ARHGEF6: variants seen among roughly 807,000 people sequenced by gnomAD.
ARHGEF6 encodes the protein rho guanine nucleotide exchange factor 6.
Under a neutral mutation model 70.3 loss-of-function variants are expected in ARHGEF6, and 9 were observed. The observed-to-expected ratio is 0.13, with a 90% CI of 0.08 to 0.22. The LOEUF is 0.22. Ranked by LOEUF, ARHGEF6 falls within the 10% of genes least tolerant of loss-of-function variation. ARHGEF6 has a pLI of 1.00. For synonymous variants in ARHGEF6, 201 were observed against 207.8 expected (o/e 0.97, Z 0.28); for missense variants, 470 against 563.0 (o/e 0.83, Z 1.67).
intron 9 of ARHGEF6, among the ~76,000 whole-genome samples, chrX:136,704,153 C>T (rs1259384332): frequency 8.9e-6 from 1 of 111,823 alleles, no homozygotes; most frequent in Non-Finnish European, 1.9e-5. Context: ...ATTAAAATAG[C>T]CAATAAGCAA....
intron 2 of ARHGEF6, among the ~76,000 whole-genome samples, chrX:136,773,365 A>G: frequency 8.9e-6 from 1 of 111,917 alleles, no homozygotes; most frequent in Non-Finnish European, 1.9e-5. Flanking sequence ...GAGAGACTCT[A>G]TCCAGGGACA....
At chrX:136,731,792 G>C (rs1403936083) in intron 6 of ARHGEF6, among the ~76,000 whole-genome samples, 5 of 111,766 alleles carry the variant, frequency 4.5e-5, no homozygotes, top group Non-Finnish European at 7.5e-5. Flanking sequence ...ATCTGGTAAG[G>C]GTATGTCTAA....
chrX:136,675,039 G>C lies in ARHGEF6; in HGVS notation c.2003C>G (p.Thr668Ser), dbSNP rs751326434. The C allele has an allele frequency of 8.3e-7, 1 of 1,211,564 alleles. No individual in the cohort carries two copies. The highest frequency in any genetic ancestry group is 2.2e-5 in the Admixed American group (1 of 46,081). ...QILKVIEAYCTSANFQQGHGS... is the reference protein window; with the variant it reads ...QILKVIEAYCSSANFQQGHGS... ...ATGGCCTTGTTGAAAATTTGCGCTG[G>C]TGCAGTAGGCTTCGATCACTTTAAG... Residue 668 changes from threonine (T) to serine (S), a missense_variant, in exon 19 of 22, where the codon ACC becomes AGC. Transcript: ENST00000250617.
In ARHGEF6 at chrX:136,676,681, G is replaced by T. The variant is rs2076284675; in HGVS notation, c.1888C>A (p.Leu630Ile). Residue 630 changes from leucine (L) to isoleucine (I), a missense_variant, in exon 18 of 22, where the codon CTT becomes ATT. Leu to Ile is a conservative substitution (Grantham distance 5). Around this residue, in one of 3 missense-constraint regions of ARHGEF6, gnomAD observed 3 missense variants for 18.1 expected, o/e 0.17. Transcript: ENST00000250617. ...TTTCTCTCAGTCTTCCTTTTATGAA[G>T]AAATTTCTTCATCGTTTTAGGGCTT... ...SKSPKTMKKF[L>I]HKRKTERKPS... is the part of the protein sequence containing the mutation. 2 of 1,206,341 alleles carry T rather than the reference G, an allele frequency of 1.7e-6. No individual in the cohort carries two copies. The highest frequency in any genetic ancestry group is 2.2e-5 in the Admixed American group (1 of 45,781).
Position 136,727,949 on chromosome X carries a change from T to C in ARHGEF6, c.732+4153A>G, listed in dbSNP as rs183050501. ...TTACATCATTCTCTACCATGTGGCT[T>C]ACACTATCATGTTTGACCTGCCCTC... On this transcript the variant is annotated intron_variant, in intron 6 of 21. Transcript: ENST00000250617. 1.5e-4 allele frequency among the ~76,000 whole-genome samples: 17 copies of C among 111,248 alleles called. No individual in the cohort carries two copies. The East Asian group carries it at 4.8e-3, about 31-fold the overall frequency.
At chrX:136,776,736 C>T (rs775589408) in intron 2 of ARHGEF6, among the ~76,000 whole-genome samples, 3 of 111,378 alleles carry the variant, frequency 2.7e-5, no homozygotes, top group East Asian at 5.6e-4. Context: ...TAAAAAATTT[C>T]TGCACAGCAA....
chrX:136,754,803 C>G (rs987714006), intron 2 of ARHGEF6, among the ~76,000 whole-genome samples: 16 of 111,166 alleles, frequency 1.4e-4, no homozygotes, highest in Non-Finnish European at 2.6e-4. Flanking sequence ...GGGCTCCCAC[C>G]CCTCCTCCTG....
chrX:136,711,961 A>G (rs7061034), intron 7 of ARHGEF6, among the ~76,000 whole-genome samples: 112 of 112,979 alleles, frequency 9.9e-4, no homozygotes, highest in African/African-American at 3.4e-3. Flanking sequence ...AGATTTCCAT[A>G]GTGCCAGGAG....
chrX:136,670,435 T>C (rs1041327913), intron 20 of ARHGEF6, among the ~76,000 whole-genome samples: 7 of 111,641 alleles, frequency 6.3e-5, no homozygotes, highest in African/African-American at 2.3e-4. Context: ...GATCTGGGGT[T>C]GGTTGAATCC....
chrX:136,727,389 CTT>C (rs531251568), intron 6 of ARHGEF6, among the ~76,000 whole-genome samples: 95 of 72,916 alleles, frequency 1.3e-3, no homozygotes, highest in African/African-American at 3.5e-3. Context: ...TTCTTTCTTT[CTT>C]TCTTTCTCTC....
chrX:136,684,327 ATAGT>A (rs1320734308), intron 12 of ARHGEF6, among the ~76,000 whole-genome samples: 5 of 112,498 alleles, frequency 4.4e-5, no homozygotes, highest in African/African-American at 1.3e-4. Flanking sequence ...TGAATGACTA[ATAGT>A]TAGACTCACT....
rs962097425 is a variant in ARHGEF6 at position 136,667,675 on chromosome X, T to C, written c.*354A>G. 4.0e-6 allele frequency: 1 copy of C among 251,729 alleles called. No homozygotes were observed. The highest frequency in any genetic ancestry group is 9.7e-5 in the East Asian group (1 of 10,293). 20.7% of individuals were successfully genotyped at this position (251,729 alleles called of 1,213,427 possible). On this transcript the variant is annotated 3_prime_UTR_variant, in exon 22 of 22. Transcript: ENST00000250617. ...GGCAATGGCTGTTGCAGAGGCACTG[T>C]GAACTGAAGGCAATCTGAAGACCTT... is the stretch of plus-strand genomic sequence containing the variant.
intron 10 of ARHGEF6, 109 bp from the exon 11 acceptor site, chrX:136,688,100 G>C: frequency 3.5e-6 from 2 of 579,428 alleles, no homozygotes; most frequent in Non-Finnish European, 6.1e-6. Context: ...AGAGAATTTT[G>C]GGGGATGATG....
At chrX:136,732,482 A>G (rs933849613) in intron 5 of ARHGEF6, among the ~76,000 whole-genome samples, 3 of 112,485 alleles carry the variant, frequency 2.7e-5, no homozygotes, top group Non-Finnish European at 5.6e-5. Context: ...AACTTATTCA[A>G]AACAGATACG....
At chrX:136,772,581 T>C (rs375649079) in intron 2 of ARHGEF6, among the ~76,000 whole-genome samples, 45 of 112,586 alleles carry the variant, frequency 4.0e-4, no homozygotes, top group African/African-American at 1.4e-3. Flanking sequence ...AATTAATAAA[T>C]TTTTGTGGGC....
At chrX:136,672,255 G>A (rs755828922) in intron 19 of ARHGEF6, 136 bp from the exon 20 acceptor site, 6 of 531,131 alleles carry the variant, frequency 1.1e-5, no homozygotes, top group Non-Finnish European at 2.0e-5. Context: ...ACACCCAGAG[G>A]ACAGTCACCC....
chrX:136,731,371 G>A (rs2076933888), intron 6 of ARHGEF6, among the ~76,000 whole-genome samples: 1 of 111,800 alleles, frequency 8.9e-6, no homozygotes, highest in African/African-American at 3.3e-5. Context: ...CAGCTGAGGT[G>A]GTGAGGCAGG....
chrX:136,777,789 A>ACACACACCG (rs2077418448), intron 2 of ARHGEF6, among the ~76,000 whole-genome samples: 4 of 49,966 alleles, frequency 8.0e-5, no homozygotes, highest in Non-Finnish European at 2.2e-4. Flanking sequence ...CACACACACC[A>ACACACACCG]TGGAATACTA....
intron 5 of ARHGEF6, among the ~76,000 whole-genome samples, chrX:136,736,645 G>GTC (rs2076988658): frequency 4.5e-5 from 5 of 111,047 alleles, no homozygotes; most frequent in Middle Eastern, 4.6e-3. Flanking sequence ...GTGTGTGTGT[G>GTC]TGTGTTTCAC....
Sources: gnomAD v4.1 joint callset for allele counts (sites outside exome capture counted in the v4.1 genomes callset) on GRCh38, gnomAD v4.1.1 for gene constraint, gnomAD v4.1.1 regional missense constraint, MANE v1.5 for transcripts, NCBI Gene and HGNC (gene_info 2026-07-23, HGNC 2026-07-21) for gene names.